STXBP6: variants seen among roughly 807,000 people sequenced by gnomAD.
The protein encoded by STXBP6 is syntaxin binding protein 6, also known as syntaxin-binding protein 6.
STXBP6 carries 21 observed loss-of-function variants against 26.9 expected under a neutral mutation model. That is an observed-to-expected ratio of 0.78 (90% CI 0.55 to 1.12). The LOEUF (loss-of-function observed/expected upper bound fraction) is 1.12, where lower values mean the gene tolerates loss of function less well. Among genes scored for constraint, STXBP6 ranks in the 50% most tolerant of loss-of-function variants. The pLI is 0.00. For synonymous variants in STXBP6, 97 were observed against 92.6 expected, an observed-to-expected ratio of 1.05 and a Z score of -0.27; for missense variants, 232 against 257.9, an observed-to-expected ratio of 0.90 and a Z score of 0.69.
intron 2 of STXBP6, among the ~76,000 whole-genome samples, chr14:24,872,712 C>T (rs1000533612): frequency 2.0e-5 from 3 of 152,170 alleles, no homozygotes; most frequent in African/African-American, 7.2e-5. Flanking sequence ...ACCCTCTTGA[C>T]CACAGGCCAT....
At chr14:24,964,032 C>T (rs184352538) in intron 2 of STXBP6, among the ~76,000 whole-genome samples, 9 of 143,662 alleles carry the variant, frequency 6.3e-5, no homozygotes, top group Non-Finnish European at 1.0e-4. Flanking sequence ...CCAGAGTGAA[C>T]GTGTGAGCTC....
At chr14:24,970,835 G>C (rs2073886371) in intron 2 of STXBP6, among the ~76,000 whole-genome samples, 1 of 152,190 alleles carries the variant, frequency 6.6e-6, no homozygotes, top group Admixed American at 6.5e-5. Flanking sequence ...CAAAGTATGA[G>C]AGCTCAAATT....
intron 4 of STXBP6, among the ~76,000 whole-genome samples, chr14:24,829,773 C>T (rs1186422723): frequency 6.6e-6 from 1 of 151,908 alleles, no homozygotes; most frequent in Non-Finnish European, 1.5e-5. Flanking sequence ...ATACTCTCCA[C>T]ACACATTGTC....
At chr14:24,863,408 T>A (rs1213315981) in intron 2 of STXBP6, among the ~76,000 whole-genome samples, 1 of 152,170 alleles carries the variant, frequency 6.6e-6, no homozygotes, top group Admixed American at 6.6e-5. Flanking sequence ...GAAGAACAGT[T>A]CCTGTGCTCA....
chr14:24,882,954 C>T (rs1004098268), intron 2 of STXBP6, among the ~76,000 whole-genome samples: 3 of 152,138 alleles, frequency 2.0e-5, no homozygotes, highest in Non-Finnish European at 4.4e-5. Flanking sequence ...GCTTTAATTA[C>T]ATAGTTAGGT....
At chr14:25,004,264 A>G (rs992699084) in intron 1 of STXBP6, among the ~76,000 whole-genome samples, 1 of 152,340 alleles carries the variant, frequency 6.6e-6, no homozygotes, top group South Asian at 2.1e-4. Flanking sequence ...ACACATGCCA[A>G]TCCCCTCACC....
At chr14:25,024,677 C>T (rs1227440308) in intron 1 of STXBP6, among the ~76,000 whole-genome samples, 1 of 152,130 alleles carries the variant, frequency 6.6e-6, no homozygotes, top group Non-Finnish European at 1.5e-5. Flanking sequence ...TCTCCAACTC[C>T]TAGACAGCCT....
intron 1 of STXBP6, among the ~76,000 whole-genome samples, chr14:25,036,729 G>A (rs1277986349): frequency 6.6e-6 from 1 of 151,640 alleles, no homozygotes; most frequent in Non-Finnish European, 1.5e-5. Context: ...GGTGGCAGGC[G>A]CCTGTAGTCC....
At chr14:24,964,823 G>A (rs1434557489) in intron 2 of STXBP6, among the ~76,000 whole-genome samples, 1 of 152,056 alleles carries the variant, frequency 6.6e-6, no homozygotes, top group Non-Finnish European at 1.5e-5. Context: ...CTCAGAGAAC[G>A]TTTTGTTTTA....
intron 3 of STXBP6, among the ~76,000 whole-genome samples, chr14:24,856,535 G>A (rs1047183359): frequency 6.6e-6 from 1 of 151,978 alleles, no homozygotes; most frequent in African/African-American, 2.4e-5. Flanking sequence ...ATTTTGTGAG[G>A]TGTGCATGTG....
At chr14:24,924,598 G>A (rs1223071289) in intron 2 of STXBP6, among the ~76,000 whole-genome samples, 1 of 152,124 alleles carries the variant, frequency 6.6e-6, no homozygotes, top group Non-Finnish European at 1.5e-5. Context: ...ATCGTTTGGT[G>A]CCCATTTGGT....
chr14:25,047,692 A>G (rs2075747438), intron 1 of STXBP6, among the ~76,000 whole-genome samples: 1 of 152,234 alleles, frequency 6.6e-6, no homozygotes, highest in African/African-American at 2.4e-5. Flanking sequence ...ATTAGGGAAG[A>G]TGCTGCACCT....
chr14:25,035,523 A>T (rs949152803), intron 1 of STXBP6, among the ~76,000 whole-genome samples: 4 of 152,234 alleles, frequency 2.6e-5, no homozygotes, highest in Non-Finnish European at 5.9e-5. Context: ...ATAGGACAAT[A>T]TAATCTGATA....
chr14:24,966,374 T>A (rs1435179076), intron 2 of STXBP6, among the ~76,000 whole-genome samples: 1 of 133,654 alleles, frequency 7.5e-6, no homozygotes, highest in Non-Finnish European at 1.6e-5. Context: ...GTTCTCCAGA[T>A]CTAGCCCTGT....
In STXBP6 at chr14:25,038,999, CAGAGT is replaced by C. The variant is rs148080189; in HGVS notation, c.-33+10874_-33+10878del. Among the ~76,000 whole-genome samples the C allele has an allele frequency of 4.7e-3, 718 of 152,122 alleles. 4 individuals are homozygous for C. Among genetic ancestry groups the C allele is most frequent in the African/African-American group, 0.016 (644 of 41,492 alleles). On this transcript the variant is annotated intron_variant, in intron 1 of 5. Coordinates refer to ENST00000323944, the MANE Select transcript of STXBP6 (RefSeq NM_001394410.1). ...GTATTCTATACTTCAAAATTGCTAA[CAGAGT>C]AGATTTTAAATGTTCTCACCACAAA...
chr14:24,908,053 C>T (rs2071444688), intron 2 of STXBP6, among the ~76,000 whole-genome samples: 1 of 152,090 alleles, frequency 6.6e-6, no homozygotes. Context: ...CTGTAACAGG[C>T]CTCTCAAGAT....
intron 4 of STXBP6, among the ~76,000 whole-genome samples, chr14:24,848,616 G>A (rs1168333224): frequency 6.6e-6 from 1 of 152,070 alleles, no homozygotes; most frequent in Non-Finnish European, 1.5e-5. Flanking sequence ...TCCCAGCTCA[G>A]GATGACTAAC....
intron 2 of STXBP6, among the ~76,000 whole-genome samples, chr14:24,938,596 A>G (rs906099592): frequency 5.1e-5 from 7 of 138,346 alleles, no homozygotes; most frequent in African/African-American, 8.7e-5. Flanking sequence ...AAAAACCAGG[A>G]AAAAAAAAAA....
chr14:24,892,343 A>G (rs1257626690), intron 2 of STXBP6, among the ~76,000 whole-genome samples: 2 of 152,132 alleles, frequency 1.3e-5, no homozygotes, highest in Non-Finnish European at 2.9e-5. Flanking sequence ...TTTTAGGTGG[A>G]AGTATTTATT....
Sources: allele counts gnomAD v4.1 joint callset (sites outside exome capture counted in the v4.1 genomes callset), GRCh38; gene constraint gnomAD v4.1.1; transcripts MANE v1.5; gene names NCBI Gene and HGNC (gene_info 2026-07-23, HGNC 2026-07-21).